Variants in TIAM1 observed in about 807,000 individuals in gnomAD.
The protein encoded by TIAM1 is rho guanine nucleotide exchange factor TIAM1.
TIAM1 carries 65 observed loss-of-function variants against 163.5 expected under a neutral mutation model. That is an observed-to-expected ratio of 0.40 (90% CI 0.33 to 0.49). TIAM1 has a LOEUF of 0.49. Ranked by LOEUF, TIAM1 falls within the 20% of genes least tolerant of loss-of-function variation. The pLI is 0.77. For missense variants in TIAM1, 1,789 were observed against 2,044.7 expected (o/e 0.87, Z 2.41); for synonymous variants, 833 against 810.1 (o/e 1.03, Z -0.48).
intron 8 of TIAM1, among the ~76,000 whole-genome samples, chr21:31,222,592 T>C (rs1016512041): frequency 1.4e-5 from 2 of 146,632 alleles, no homozygotes; most frequent in African/African-American, 5.0e-5. Context: ...TAAAGTGAAA[T>C]GGAGAGCTCC....
chr21:31,493,055 A>G (rs1032054419), intron 1 of TIAM1, among the ~76,000 whole-genome samples: 2 of 152,064 alleles, frequency 1.3e-5, no homozygotes, highest in African/African-American at 4.8e-5. Context: ...AGTGCTTGGA[A>G]CTGTCTGTTC....
chr21:31,296,121 T>C (rs758232314), intron 2 of TIAM1, among the ~76,000 whole-genome samples: 24 of 152,156 alleles, frequency 1.6e-4, no homozygotes, highest in Admixed American at 9.2e-4. Flanking sequence ...TTAACCTGGA[T>C]TTGATGATTA....
intron 16 of TIAM1, among the ~76,000 whole-genome samples, chr21:31,157,860 C>A (rs1422502036): frequency 2.6e-5 from 4 of 152,172 alleles, no homozygotes; most frequent in African/African-American, 9.7e-5. Flanking sequence ...GCAGAGCACA[C>A]CTTTTATCAT....
In TIAM1 at chr21:31,241,429, C is replaced by T. The variant is rs539931150; in HGVS notation, c.1584+4059G>A. Among the ~76,000 whole-genome samples, 15 of 152,310 alleles carry T rather than the reference C, an allele frequency of 9.8e-5. No homozygotes were observed. The South Asian group carries it at 3.1e-3, about 32-fold the overall frequency. On this transcript the variant is annotated intron_variant, in intron 6 of 27. Transcript: ENST00000541036. ...TCTGTTCTTAGGAAAGACTAGGAAA[C>T]TTATTGCTTCTGTACTTTTAAGGAA... is the stretch of plus-strand genomic sequence containing the variant.
At chr21:31,334,713 C>T (rs560698302) in intron 2 of TIAM1, among the ~76,000 whole-genome samples, 2 of 152,164 alleles carry the variant, frequency 1.3e-5, no homozygotes, top group Non-Finnish European at 2.9e-5. Flanking sequence ...CCGAACTCTG[C>T]TGAGCATCAG....
chr21:31,447,649 G>A (rs551960179), intron 2 of TIAM1, among the ~76,000 whole-genome samples: 48 of 152,294 alleles, frequency 3.2e-4, no homozygotes, highest in African/African-American at 9.4e-4. Context: ...TGTGGCTCAC[G>A]TGTTTCCCTG....
chr21:31,163,673 G>A (rs532034880), intron 16 of TIAM1, among the ~76,000 whole-genome samples: 3 of 152,218 alleles, frequency 2.0e-5, no homozygotes, highest in Admixed American at 6.5e-5. Context: ...ATGTACAAAC[G>A]TAGGTTTTCA....
intron 1 of TIAM1, among the ~76,000 whole-genome samples, chr21:31,542,883 A>G (rs2048365095): frequency 6.6e-6 from 1 of 151,584 alleles, no homozygotes. Flanking sequence ...TAGAAGAATC[A>G]CTCAAACTCG....
At chr21:31,248,690 G>A (rs749117619) in intron 5 of TIAM1, among the ~76,000 whole-genome samples, 3 of 152,076 alleles carry the variant, frequency 2.0e-5, no homozygotes, top group Non-Finnish European at 4.4e-5. Context: ...AAAGTCAGCT[G>A]CAAGTCTTGC....
At chr21:31,543,343 G>A (rs1291461301) in intron 1 of TIAM1, among the ~76,000 whole-genome samples, 17 of 152,198 alleles carry the variant, frequency 1.1e-4, no homozygotes, top group Admixed American at 1.1e-3. Context: ...TCATGCGTGC[G>A]TACAGACTGC....
At chr21:31,302,167 T>TA (rs1378776117) in intron 2 of TIAM1, among the ~76,000 whole-genome samples, 2 of 152,062 alleles carry the variant, frequency 1.3e-5, no homozygotes, top group Non-Finnish European at 2.9e-5. Context: ...ATGGCATTGT[T>TA]AAAAAATGTA....
At chr21:31,184,857 G>T (rs1170268291) in intron 14 of TIAM1, among the ~76,000 whole-genome samples, 1 of 152,122 alleles carries the variant, frequency 6.6e-6, no homozygotes. Context: ...AAATTATCCT[G>T]ACTTTATTTC....
At chr21:31,181,514 C>T (rs966487386) in intron 15 of TIAM1, among the ~76,000 whole-genome samples, 6 of 141,652 alleles carry the variant, frequency 4.2e-5, no homozygotes, top group African/African-American at 1.3e-4. Context: ...AAGGGCAGGG[C>T]AGGGGGGTCA....
intron 1 of TIAM1, among the ~76,000 whole-genome samples, chr21:31,492,914 A>T (rs1203842374): frequency 6.6e-6 from 1 of 152,148 alleles, no homozygotes; most frequent in Non-Finnish European, 1.5e-5. Flanking sequence ...AAGAATCTGG[A>T]GGAATAAATA....
intron 16 of TIAM1, among the ~76,000 whole-genome samples, chr21:31,158,840 G>A (rs1156449697): frequency 3.9e-5 from 6 of 152,118 alleles, no homozygotes; most frequent in African/African-American, 1.2e-4. Context: ...CCTTCTCCAC[G>A]CAGCTTAGCC....
intron 4 of TIAM1, among the ~76,000 whole-genome samples, chr21:31,256,968 C>G (rs1475334244): frequency 1.3e-5 from 2 of 152,174 alleles, no homozygotes; most frequent in Non-Finnish European, 2.9e-5. Flanking sequence ...CAGTTGCTAA[C>G]TTCCTGCACC....
At chr21:31,213,866 C>CCAAAA (rs71318260) in intron 9 of TIAM1, among the ~76,000 whole-genome samples, 6 of 54,876 alleles carry the variant, frequency 1.1e-4, no homozygotes, top group African/African-American at 3.7e-4. Flanking sequence ...CTCATCTCTA[C>CCAAAA]AAAAAAAAAA....
At chr21:31,333,279 T>C (rs2147071535) in intron 2 of TIAM1, among the ~76,000 whole-genome samples, 1 of 152,286 alleles carries the variant, frequency 6.6e-6, no homozygotes, top group South Asian at 2.1e-4. Context: ...ACTCCGTTTT[T>C]TTCAGCAGTA....
rs1295677965 is a variant in TIAM1 at position 31,261,262 on chromosome 21, C to CCT, written c.963+4747_963+4748insAG. Among the ~76,000 whole-genome samples, 6 of 136,884 alleles carry CCT rather than the reference C, an allele frequency of 4.4e-5. No individual in the cohort carries two copies. The East Asian group carries it at 6.3e-4, about 14-fold the overall frequency. 89.8% of individuals were successfully genotyped at this position (136,884 alleles called of 152,430 possible). ...TAATAATTTTCTTTTCAGCCAAGTC[C>CCT]TTTTTTTTTTTTTTTGTATCTGTAC... On this transcript the variant is annotated intron_variant, in intron 4 of 27. Coordinates refer to ENST00000541036, the MANE Select transcript of TIAM1 (RefSeq NM_001353694.2).
Sources: gnomAD v4.1 joint callset for allele counts (sites outside exome capture counted in the v4.1 genomes callset) on GRCh38, gnomAD v4.1.1 for gene constraint, MANE v1.5 for transcripts, NCBI Gene and HGNC (gene_info 2026-07-23, HGNC 2026-07-21) for gene names.